The following MALRD1 variants were observed in gnomAD, a reference collection of about 807,000 sequenced individuals.
The protein encoded by MALRD1 is MAM and LDL receptor class A domain containing 1.
MALRD1 carries 247 observed loss-of-function variants against 242.1 expected under a neutral mutation model. The observed-to-expected ratio is 1.02, with a 90% CI of 0.92 to 1.13. The LOEUF is 1.13. MALRD1 is among the 50% of genes most tolerant of loss of function. The pLI is 0.00. For synonymous variants in MALRD1, 995 were observed against 866.6 expected, an observed-to-expected ratio of 1.15 and a Z score of -2.60; for missense variants, 2,989 against 2,533.1, an observed-to-expected ratio of 1.18 and a Z score of -3.86.
chr10:19,121,882 A>C (rs1837078654), intron 5 of MALRD1, among the ~76,000 whole-genome samples: 1 of 152,182 alleles, frequency 6.6e-6, no homozygotes, highest in African/African-American at 2.4e-5. Flanking sequence ...AAGTTAAAAG[A>C]GGGAATAGAA....
At chr10:19,587,213 G>GACC (rs1837476473) in intron 33 of MALRD1, among the ~76,000 whole-genome samples, 1 of 152,226 alleles carries the variant, frequency 6.6e-6, no homozygotes, top group Non-Finnish European at 1.5e-5. Context: ...AGGAGCTGTA[G>GACC]ACCGGAGCTG....
chr10:19,683,470 T>A (rs766310320), intron 36 of MALRD1, among the ~76,000 whole-genome samples: 5 of 152,218 alleles, frequency 3.3e-5, no homozygotes, highest in Non-Finnish European at 5.9e-5. Context: ...CTTACTGCAG[T>A]TCGTAAATAG....
chr10:19,372,843 A>C (rs573337683), intron 26 of MALRD1, among the ~76,000 whole-genome samples: 1 of 152,284 alleles, frequency 6.6e-6, no homozygotes, highest in East Asian at 1.9e-4. Context: ...TAACTGGATA[A>C]GAGAGCTTAT....
intron 38 of MALRD1, among the ~76,000 whole-genome samples, chr10:19,702,962 A>G (rs925929152): frequency 4.6e-5 from 7 of 152,188 alleles, no homozygotes; most frequent in African/African-American, 9.7e-5. Flanking sequence ...GTGCTCAGAG[A>G]AAGCTAAGCA....
At chr10:19,698,250 T>G (rs1211689674) in intron 38 of MALRD1, among the ~76,000 whole-genome samples, 1 of 152,240 alleles carries the variant, frequency 6.6e-6, no homozygotes, top group Non-Finnish European at 1.5e-5. Flanking sequence ...TAGCTGTTTT[T>G]ATTGTCTTAC....
rs142932440 is a variant in MALRD1, at chr10:19,145,963, C to T, written c.1412-235C>T. 2.2e-4 allele frequency among the ~76,000 whole-genome samples: 33 copies of T among 152,186 alleles called. No individual in the cohort carries two copies. The East Asian group carries it at 6.4e-3, about 29-fold the overall frequency. On this transcript the variant is annotated intron_variant, in intron 10 of 39. Coordinates refer to ENST00000454679, the MANE Select transcript of MALRD1 (RefSeq NM_001142308.3). ...ATTAAATAAAATGGAGATGGCCAAC[C>T]AGAATGAAATGTACCAGACTTACAG...
At chr10:19,210,844 C>G (rs902253792) in intron 18 of MALRD1, among the ~76,000 whole-genome samples, 1 of 151,904 alleles carries the variant, frequency 6.6e-6, no homozygotes, top group African/African-American at 2.4e-5. Flanking sequence ...GCGTAAGGTA[C>G]ATGTAAGGAT....
chr10:19,134,943 C>G (rs1049692666), intron 9 of MALRD1, among the ~76,000 whole-genome samples: 9 of 151,628 alleles, frequency 5.9e-5, no homozygotes, highest in Non-Finnish European at 1.3e-4. Context: ...CATTTCTGAT[C>G]TCTTGCTGCT....
intron 32 of MALRD1, among the ~76,000 whole-genome samples, chr10:19,551,908 G>GT (rs1174839107): frequency 3.9e-5 from 6 of 152,144 alleles, no homozygotes; most frequent in African/African-American, 1.4e-4. Flanking sequence ...ATTTCTGTAT[G>GT]TTGAACGAAC....
At chr10:19,491,046 T>C (rs562266067) in intron 29 of MALRD1, 4 of 201,828 alleles carry the variant, frequency 2.0e-5, no homozygotes, top group Non-Finnish European at 4.2e-5. Context: ...AAAGTTAACA[T>C]CTTCTTTATG....
At chr10:19,589,930 G>A (rs565928483) in intron 33 of MALRD1, among the ~76,000 whole-genome samples, 1 of 152,098 alleles carries the variant, frequency 6.6e-6, no homozygotes, top group Non-Finnish European at 1.5e-5. Context: ...CTCGCATAAT[G>A]AACAACAACA....
At chr10:19,330,407 A>G (rs1236995262) in intron 23 of MALRD1, among the ~76,000 whole-genome samples, 2 of 152,148 alleles carry the variant, frequency 1.3e-5, no homozygotes, top group South Asian at 2.1e-4. Flanking sequence ...TGGTCAAAAT[A>G]TATTTCTAAA....
At chr10:19,334,558 G>A (rs931668910) in intron 24 of MALRD1, among the ~76,000 whole-genome samples, 1 of 151,970 alleles carries the variant, frequency 6.6e-6, no homozygotes, top group African/African-American at 2.4e-5. Context: ...TACTGTATCA[G>A]TTGAAAACAA....
intron 5 of MALRD1, among the ~76,000 whole-genome samples, chr10:19,111,462 A>C (rs1836678473): frequency 6.6e-6 from 1 of 152,172 alleles, no homozygotes; most frequent in Non-Finnish European, 1.5e-5. Flanking sequence ...ATATAACATG[A>C]CAAGCTTTGG....
In MALRD1 at chr10:19,284,394, C is replaced by CT. The variant is rs1403688615; in HGVS notation, c.3419+1214dup. Among the ~76,000 whole-genome samples the CT allele has an allele frequency of 9.2e-5, 11 of 119,792 alleles. No homozygotes were observed. In the East Asian group the frequency reaches 3.3e-3, roughly 36 times the overall value. The allele number at this position is 119,792 out of a possible 152,430, so 78.6% of individuals were successfully genotyped here. ...TTAGGTATATCTCCCAATGCTATCC[C>CT]TCCCCCCTCCCCCCACCCCACCACA... On this transcript the variant is annotated intron_variant, in intron 21 of 39. Coordinates refer to ENST00000454679, the MANE Select transcript of MALRD1 (RefSeq NM_001142308.3).
intron 5 of MALRD1, among the ~76,000 whole-genome samples, chr10:19,112,325 G>C (rs1465518050): frequency 6.6e-6 from 1 of 151,942 alleles, no homozygotes; most frequent in East Asian, 1.9e-4. Flanking sequence ...GTTGGGGCAG[G>C]GGTGGAGGGA....
chr10:19,305,831 T>C (rs1267973665), intron 21 of MALRD1, among the ~76,000 whole-genome samples: 5 of 137,626 alleles, frequency 3.6e-5, no homozygotes, highest in Non-Finnish European at 7.7e-5. Flanking sequence ...ATACTATATA[T>C]ACTATATATT....
chr10:19,291,494 G>C (rs779890144), intron 21 of MALRD1: 7 of 151,846 alleles, frequency 4.6e-5, no homozygotes, highest in African/African-American at 1.5e-4. Flanking sequence ...AGTACACTAC[G>C]ATCATGCCAT....
At chr10:19,684,975 T>C (rs1842520522) in intron 36 of MALRD1, among the ~76,000 whole-genome samples, 1 of 152,164 alleles carries the variant, frequency 6.6e-6, no homozygotes, top group Non-Finnish European at 1.5e-5. Context: ...TGTAGGATCC[T>C]ATTAACAACT....
Sources: gnomAD v4.1 joint callset for allele counts (sites outside exome capture counted in the v4.1 genomes callset) on GRCh38, gnomAD v4.1.1 for gene constraint, MANE v1.5 for transcripts, NCBI Gene and HGNC (gene_info 2026-07-23, HGNC 2026-07-21) for gene names.